Variants in ST6GALNAC1 observed in about 807,000 individuals in gnomAD.
ST6GALNAC1 encodes ST6 N-acetylgalactosaminide alpha-2,6-sialyltransferase 1, also known as alpha-N-acetylgalactosaminide alpha-2,6-sialyltransferase 1.
In ST6GALNAC1, 45 loss-of-function variants were observed where a neutral mutation model predicts 56.8. The observed-to-expected ratio is 0.79, with a 90% CI of 0.62 to 1.02. The LOEUF (loss-of-function observed/expected upper bound fraction) is 1.02, where lower values mean the gene tolerates loss of function less well. Among genes scored for constraint, ST6GALNAC1 ranks in the 50% least tolerant of loss-of-function variants. ST6GALNAC1 has a pLI of 0.00. For synonymous variants in ST6GALNAC1, 295 were observed against 297.8 expected, an observed-to-expected ratio of 0.99 and a Z score of 0.10; for missense variants, 743 against 754.8, an observed-to-expected ratio of 0.98 and a Z score of 0.18.
In ST6GALNAC1 at chr17:76,627,140, C is replaced by T. The variant is rs377099452; in HGVS notation, c.1099G>A (p.Val367Met). ...AGSLRCITCA[V>M]VGNGGILNNS... ...TTCAGGATGCCCCCGTTGCCCACCA[C>T]GGCACAGGTGATGCACCGGAGGCTC... The change falls in exon 4 of 9, where the codon GTG becomes ATG. Residue 367 changes from valine to methionine, a missense_variant. Physicochemically the swap from Val to Met is conservative, Grantham distance 21 (BLOSUM62 1). Transcript: ENST00000156626. This position sits in a 1 kb window ranked among gnomAD's most constrained non-coding sequence, Gnocchi z 4.4. 4.0e-5 allele frequency: 65 copies of T among 1,605,730 alleles called. No individual in the cohort carries two copies. The highest frequency in any genetic ancestry group is 5.1e-5 in the Admixed American group (3 of 58,848).
At chr17:76,639,815 G>A (rs1175205747) in intron 1 of ST6GALNAC1, among the ~76,000 whole-genome samples, 1 of 151,582 alleles carries the variant, frequency 6.6e-6, no homozygotes, top group Non-Finnish European at 1.5e-5. Flanking sequence ...GAGATGAGGG[G>A]GAGATTGGGG....
intron 1 of ST6GALNAC1, among the ~76,000 whole-genome samples, 182 bp downstream of exon 1, chr17:76,643,326 C>T (rs2076073486): frequency 6.6e-6 from 1 of 152,240 alleles, no homozygotes; most frequent in African/African-American, 2.4e-5. Flanking sequence ...GCCACCCTTT[C>T]TGTTCCCTGC....
At chr17:76,623,939 A>G (rs75200559), downstream of ST6GALNAC1, among the ~76,000 whole-genome samples, 5,607 of 152,310 alleles carry the variant, frequency 0.037, 186 homozygotes, top group East Asian at 0.16. Flanking sequence ...ACCTGATGTG[A>G]TGTCCACCCT....
At chr17:76,629,782 T>TG in intron 1 of ST6GALNAC1, 71 bp from the exon 2 acceptor site, 3 of 1,192,216 alleles carry the variant, frequency 2.5e-6, no homozygotes, top group South Asian at 1.5e-5. Flanking sequence ...AGTAGTTTTT[T>TG]GTTTTTTTTT....
downstream of ST6GALNAC1, among the ~76,000 whole-genome samples, chr17:76,621,186 C>CTTTCTTT (rs1555633325): frequency 9.1e-5 from 10 of 110,044 alleles, no homozygotes; most frequent in South Asian, 3.2e-4. Flanking sequence ...TTCTTTCTTT[C>CTTTCTTT]TTTTTTTTTT....
downstream of ST6GALNAC1, among the ~76,000 whole-genome samples, chr17:76,620,860 A>G (rs142366310): frequency 4.7e-3 from 710 of 151,664 alleles, 9 homozygotes; most frequent in African/African-American, 0.017. Context: ...CTCCCAAAGT[A>G]CTGGGATTAC....
chr17:76,629,590 C>A lies in ST6GALNAC1; in HGVS notation c.253G>T (p.Ala85Ser). Reference sequence around the variant, plus strand: ...TTGGGCTGGGTTTGTGTGTTGAGGGCATTGTTCTCTGGCACTGGCTCTGCA... The same window carrying A: ...TTGGGCTGGGTTTGTGTGTTGAGGGAATTGTTCTCTGGCACTGGCTCTGCA... ...IYAEPVPENN[A>S]LNTQTQPKAH... The change falls in exon 2 of 9, where the codon GCC becomes TCC. Residue 85 changes from alanine to serine, a missense_variant. Ala to Ser is a moderately conservative substitution (Grantham distance 99). Coordinates refer to ENST00000156626, the MANE Select transcript of ST6GALNAC1 (RefSeq NM_018414.5). 6.2e-7 allele frequency: 1 copy of A among 1,613,920 alleles called. No homozygotes were observed. The highest frequency in any genetic ancestry group is 1.1e-5 in the South Asian group (1 of 91,050).
downstream of ST6GALNAC1, among the ~76,000 whole-genome samples, chr17:76,622,196 A>T (rs183966068): frequency 1.2e-3 from 187 of 149,834 alleles, no homozygotes; most frequent in East Asian, 6.6e-3. Flanking sequence ...ATATATATAT[A>T]TATTTTTGCC....
chr17:76,627,420 T>C lies in ST6GALNAC1; in HGVS notation c.995A>G (p.Tyr332Cys). 6.2e-7 allele frequency: 1 copy of C among 1,613,614 alleles called. No homozygotes were observed. Among genetic ancestry groups the C allele is most frequent in the South Asian group, 1.1e-5 (1 of 91,054 alleles). Residue 332 changes from tyrosine (Y) to cysteine (C), a missense_variant, in exon 3 of 9, where the codon TAC (tyrosine) becomes TGC (cysteine). Transcript: ENST00000156626. This position sits in a 1 kb window ranked among gnomAD's most constrained non-coding sequence, Gnocchi z 4.4. ...CCCCTGGGTTAAGGACTCACAGGAG[T>C]AGTTGAGCTCCATGAAGCCAAAGGG... is the stretch of plus-strand genomic sequence containing the variant. ...APPFGFMELN[Y>C]SLVQKVVTRF... is the part of the protein sequence containing the mutation.
intron 1 of ST6GALNAC1, among the ~76,000 whole-genome samples, chr17:76,631,867 G>C (rs2075906732): frequency 1.3e-5 from 2 of 152,134 alleles, no homozygotes. Flanking sequence ...ATTGGTTCAT[G>C]AACTGGGAAG....
At chr17:76,631,448 A>G (rs1351493965) in intron 1 of ST6GALNAC1, among the ~76,000 whole-genome samples, 1 of 152,170 alleles carries the variant, frequency 6.6e-6, no homozygotes, top group African/African-American at 2.4e-5. Context: ...ATTTTCAACT[A>G]AGAAAAAGAA....
Position 76,625,440 on chromosome 17 carries a change from T to C in ST6GALNAC1, c.1693A>G (p.Ile565Val), listed in dbSNP as rs1382823322. ...DTSWKRLIFY[I>V]NHDFKLEREV... ...CTCTCCAGCTTGAAGTCATGGTTTA[T>C]GTAAAAGATCAGCCGCTTCCATGAT... is the stretch of plus-strand genomic sequence containing the variant. The change falls in exon 9 of 9, where the codon ATA becomes GTA. Residue 565 changes from isoleucine (I) to valine (V), a missense_variant. Physicochemically the swap from Ile to Val is conservative, Grantham distance 29. Transcript: ENST00000156626. The C allele has an allele frequency of 6.2e-7, 1 of 1,614,198 alleles. No homozygotes were observed. The highest frequency in any genetic ancestry group is 1.1e-5 in the South Asian group (1 of 91,084).
At chr17:76,626,145 G>A in intron 6 of ST6GALNAC1, 50 bp from the exon 7 acceptor site, 1 of 1,592,740 alleles carries the variant, frequency 6.3e-7, no homozygotes, top group East Asian at 2.2e-5. Flanking sequence ...CCTGGTCTGG[G>A]GTGGGCCAAG....
chr17:76,621,958 T>TG (rs1883875652), downstream of ST6GALNAC1, among the ~76,000 whole-genome samples: 1 of 136,226 alleles, frequency 7.3e-6, no homozygotes, highest in Non-Finnish European at 1.6e-5. Flanking sequence ...TTTTTTTTTT[T>TG]GTTGTTTTTG....
At chr17:76,619,600 T>A in the ST6GALNAC1 span, among the ~76,000 whole-genome samples, 7 of 152,228 alleles carry the variant, frequency 4.6e-5, no homozygotes, top group Non-Finnish European at 8.8e-5. Flanking sequence ...TTCAGAATGA[T>A]AAAGCAGTGT....
chr17:76,625,945 G>A (rs1428426836), intron 7 of ST6GALNAC1, 27 bp from the exon 8 acceptor site: 6 of 1,602,292 alleles, frequency 3.7e-6, no homozygotes, highest in Non-Finnish European at 5.1e-6. Context: ...ACCCCCAACT[G>A]TCAGGAGGCT....
At position 76,639,056 on chromosome 17, in the gene ST6GALNAC1, C is replaced by T. The variant is rs1235151633; in HGVS notation, c.131+4452G>A. On this transcript the variant is annotated intron_variant, in intron 1 of 8. Coordinates refer to ENST00000156626, the MANE Select transcript of ST6GALNAC1 (RefSeq NM_018414.5). ...GTCTCTAAACTATCCCCTCTAAAAC[C>T]ACGTTCCCCCGATCATCCATCCTGT... Among the ~76,000 whole-genome samples, 3 of 152,178 alleles carry T rather than the reference C, an allele frequency of 2.0e-5. 1 individual carries two copies. The highest frequency in any genetic ancestry group is 7.2e-5 in the African/African-American group (3 of 41,434).
chr17:76,629,787 T>TTG lies in ST6GALNAC1; in HGVS notation c.132-77_132-76insCA, dbSNP rs1555634877. 9.5e-3 allele frequency: 10,252 copies of TTG among 1,080,502 alleles called. 16 individuals carry two copies. Among genetic ancestry groups the TTG allele is most frequent in the East Asian group, 0.06 (1,873 of 31,172 alleles). The allele number at this position is 1,080,502 out of a possible 1,614,324, so 66.9% of individuals were successfully genotyped here. Reference sequence around the variant, plus strand: ...CAGAAGCATAAGTAGTTTTTTGTTTTTTTTTTTTTTTTTGAGACACAGTCT... The same window carrying TTG: ...CAGAAGCATAAGTAGTTTTTTGTTTTTGTTTTTTTTTTTTTGAGACACAGTCT... On this transcript the variant is annotated intron_variant, in intron 1 of 8. Transcript: ENST00000156626.
rs368707866 is a variant in ST6GALNAC1 at position 76,627,509 on chromosome 17, A to G, written c.906T>C (p.Thr302=). The change falls in exon 3 of 9, where the codon ACT becomes ACC. Residue 302 remains threonine, a synonymous_variant. Transcript: ENST00000156626. This position sits in a 1 kb window ranked among gnomAD's most constrained non-coding sequence, Gnocchi z 4.4. ...WLQKLFLPNL[T]LFLDSRHFNQ... ...TGAAGTGTCTGGAGTCCAGGAAGAG[A>G]GTGAGGTTGGGCAGAAAGAGTTTCT... 10 of 1,614,030 alleles carry G rather than the reference A, an allele frequency of 6.2e-6. No individual in the cohort carries two copies. The African/African-American group carries it at 1.2e-4, about 19-fold the overall frequency.
Sources: gnomAD v4.1 joint callset for allele counts (sites outside exome capture counted in the v4.1 genomes callset) on GRCh38, gnomAD v4.1.1 for gene constraint, Gnocchi (gnomAD v3.1) non-coding constraint, MANE v1.5 for transcripts, NCBI Gene and HGNC (gene_info 2026-07-23, HGNC 2026-07-21) for gene names.